Variants in SORCS3 observed in about 807,000 individuals in gnomAD.
SORCS3 encodes the protein sortilin related VPS10 domain containing receptor 3, also known as VPS10 domain-containing receptor SorCS3.
A neutral mutation model predicts 146.3 loss-of-function variants in SORCS3; 57 were observed. That is an observed-to-expected ratio of 0.39 (90% confidence interval 0.31 to 0.49). The LOEUF is 0.49. SORCS3 is among the 20% of genes least tolerant of loss of function. SORCS3 has a pLI of 0.92. For synonymous variants in SORCS3, 653 were observed against 618.5 expected, an observed-to-expected ratio of 1.06 and a Z score of -0.83; for missense variants, 1,341 against 1,575.5, an observed-to-expected ratio of 0.85 and a Z score of 2.52.
rs369812512 is a variant in SORCS3, at chr10:104,737,721, G to A, written c.627+95767G>A. Among the ~76,000 whole-genome samples, 350 of 151,862 alleles carry A rather than the reference G, an allele frequency of 2.3e-3. 1 individual carries two copies. Among genetic ancestry groups the A allele is most frequent in the African/African-American group, 6.8e-3 (281 of 41,390 alleles). ...TTGCGAAAATTTTCTCCCATTTTGTGGGTTGCCTGTTCACTCTGATGGTAG... is the reference window on the plus strand; with the variant it reads ...TTGCGAAAATTTTCTCCCATTTTGTAGGTTGCCTGTTCACTCTGATGGTAG... On this transcript the variant is annotated intron_variant, in intron 1 of 26. Transcript: ENST00000369701.
chr10:104,641,431 T>C lies in SORCS3; in HGVS notation c.104T>C (p.Ile35Thr), dbSNP rs2015413155. 2 of 1,469,560 alleles carry C rather than the reference T, an allele frequency of 1.4e-6. No homozygotes were observed. The highest frequency in any genetic ancestry group is 1.8e-6 in the Non-Finnish European group (2 of 1,117,546). 91.0% of individuals were successfully genotyped at this position (1,469,560 alleles called of 1,614,324 possible). A position where few individuals can be genotyped will look rare whatever the true frequency, so the allele number is the denominator to read the frequency against. Residue 35 changes from isoleucine (I) to threonine (T), a missense_variant, in exon 1 of 27, where the codon ATC becomes ACC. Transcript: ENST00000369701. This position sits in a 1 kb window ranked among gnomAD's most constrained non-coding sequence, Gnocchi z 6.4. ...ACGTGGGTCCTGGCCGGCGCCGAGA[T>C]CACTTGGGACGCGACAGGCGGTCCC... ...LSTWVLAGAE[I>T]TWDATGGPGR...
At position 105,132,549 on chromosome 10, in the gene SORCS3, C is replaced by A. The variant is rs570832405; in HGVS notation, c.1213-6848C>A. The stretch of plus-strand genomic sequence containing the variant: ...GCCCTTTGGTTCTAATTTTTGGGGG[C>A]AGATTTCTGTCTTTCCTCCAGGGCA... On this transcript the variant is annotated intron_variant, in intron 7 of 26. Coordinates refer to ENST00000369701, the MANE Select transcript of SORCS3 (RefSeq NM_014978.3). Among the ~76,000 whole-genome samples the A allele has an allele frequency of 1.3e-4, 20 of 152,228 alleles. No homozygotes were observed. The South Asian group carries it at 1.7e-3, about 13-fold the overall frequency.
In SORCS3 at chr10:104,813,455, A is replaced by G. The variant is rs559240498; in HGVS notation, c.628-29337A>G. 2.0e-5 allele frequency among the ~76,000 whole-genome samples: 3 copies of G among 152,324 alleles called. No homozygotes were observed. In the South Asian group the frequency reaches 6.2e-4, roughly 32 times the overall value. The stretch of plus-strand genomic sequence containing the variant: ...GGCCTGTTTTATGTACTAATATACT[A>G]ATCTACATACTCAGTTCAGTGATGG... On this transcript the variant is annotated intron_variant, in intron 1 of 26. Coordinates refer to ENST00000369701, the MANE Select transcript of SORCS3 (RefSeq NM_014978.3).
chr10:105,167,958 G>A (rs955671492), intron 13 of SORCS3, among the ~76,000 whole-genome samples: 8 of 151,906 alleles, frequency 5.3e-5, no homozygotes, highest in African/African-American at 9.7e-5. Context: ...ATTATGGGAC[G>A]GACTAAAGAG....
intron 4 of SORCS3, among the ~76,000 whole-genome samples, chr10:105,032,863 C>T (rs1368611955): frequency 5.3e-5 from 8 of 152,060 alleles, no homozygotes; most frequent in Admixed American, 5.2e-4. Context: ...TGATGTGAAA[C>T]TAAAACCCTT....
In SORCS3 at chr10:104,858,484, A is replaced by G. The variant is rs573137968; in HGVS notation, c.695+15625A>G. Among the ~76,000 whole-genome samples the G allele has an allele frequency of 3.3e-3, 509 of 152,302 alleles. 2 individuals carry two copies. Among genetic ancestry groups the G allele is most frequent in the South Asian group, 0.018 (88 of 4,830 alleles). On this transcript the variant is annotated intron_variant, in intron 2 of 26. Transcript: ENST00000369701. ...ATTGTTTTACAGTTTTTCATTCCTTAAAAAATGTTCTGGTGCATATCTCGA... is the reference window on the plus strand; with the variant it reads ...ATTGTTTTACAGTTTTTCATTCCTTGAAAAATGTTCTGGTGCATATCTCGA...
chr10:105,191,189 C>T (rs2056514978), intron 14 of SORCS3, among the ~76,000 whole-genome samples: 1 of 152,140 alleles, frequency 6.6e-6, no homozygotes, highest in Admixed American at 6.5e-5. Context: ...GAATAAGACA[C>T]TTATGTACAT....
chr10:105,179,462 T>A (rs1427686851), intron 14 of SORCS3, among the ~76,000 whole-genome samples: 2 of 152,220 alleles, frequency 1.3e-5, no homozygotes, highest in African/African-American at 4.8e-5. Context: ...TGACAGAGCT[T>A]CTGTGCCTGT....
Position 104,876,552 on chromosome 10 carries a change from T to C in SORCS3, c.695+33693T>C, listed in dbSNP as rs543461661. ...TCAGGATGCTGTGAAAGAGAGAGCC[T>C]GGGTTGAAAGTTAGAAGCCTGGATA... On this transcript the variant is annotated intron_variant, in intron 2 of 26. Transcript: ENST00000369701. 6.6e-5 allele frequency among the ~76,000 whole-genome samples: 10 copies of C among 152,280 alleles called. No homozygotes were observed. In the East Asian group the frequency reaches 1.2e-3, roughly 18 times the overall value.
Position 104,806,722 on chromosome 10 carries a change from A to G in SORCS3, c.628-36070A>G, listed in dbSNP as rs141675176. Among the ~76,000 whole-genome samples the G allele has an allele frequency of 3.3e-3, 506 of 152,346 alleles. 3 individuals are homozygous for G. Among genetic ancestry groups the G allele is most frequent in the African/African-American group, 0.012 (483 of 41,588 alleles). On this transcript the variant is annotated intron_variant, in intron 1 of 26. Transcript: ENST00000369701. Reference sequence around the variant, plus strand: ...ACAAAAAAGTAGTTTAAAATGGTATATGTACTTGATCCTAACTCTGTACAA... The same window carrying G: ...ACAAAAAAGTAGTTTAAAATGGTATGTGTACTTGATCCTAACTCTGTACAA...
At chr10:104,753,423 T>G (rs973670660) in intron 1 of SORCS3, among the ~76,000 whole-genome samples, 2 of 152,166 alleles carry the variant, frequency 1.3e-5, no homozygotes. Context: ...GGAGAATGAA[T>G]ACACTAAAGA....
intron 5 of SORCS3, among the ~76,000 whole-genome samples, chr10:105,054,543 T>C (rs1173083908): frequency 6.6e-6 from 1 of 151,864 alleles, no homozygotes. Context: ...TCCATACCAA[T>C]GGATATTTTT....
At chr10:105,234,138 G>T (rs1359740041) in intron 20 of SORCS3, among the ~76,000 whole-genome samples, 1 of 152,138 alleles carries the variant, frequency 6.6e-6, no homozygotes, top group East Asian at 1.9e-4. Flanking sequence ...GGATAATTTT[G>T]CAGGGTACGG....
chr10:105,223,320 C>T, intron 20 of SORCS3, 71 bp downstream of exon 20: 3 of 1,432,984 alleles, frequency 2.1e-6, no homozygotes, highest in South Asian at 1.6e-5. Flanking sequence ...TTTTATGTGT[C>T]TATTAGGGGG....
intron 5 of SORCS3, among the ~76,000 whole-genome samples, chr10:105,065,817 C>T (rs2055519046): frequency 6.6e-6 from 1 of 152,160 alleles, no homozygotes; most frequent in South Asian, 2.1e-4. Flanking sequence ...ATCCAATAAA[C>T]TCAAATAACC....
chr10:104,993,427 AG>A (rs1564730575), intron 4 of SORCS3, among the ~76,000 whole-genome samples: 1 of 152,208 alleles, frequency 6.6e-6, no homozygotes, highest in Non-Finnish European at 1.5e-5. Context: ...TTTAAAATGG[AG>A]ACTTTAATTT....
intron 4 of SORCS3, among the ~76,000 whole-genome samples, chr10:105,008,443 G>T (rs1437599560): frequency 6.6e-6 from 1 of 152,134 alleles, no homozygotes; most frequent in Admixed American, 6.5e-5. Flanking sequence ...ACACCATTCT[G>T]GATGCATCTA....
Position 105,201,295 on chromosome 10 carries a change from T to C in SORCS3, c.2261+42T>C. ...TTCATTACCAATTCCAACCAGGTCTTCACCTGTCTGTGGGGTGGGGTGGGG... is the reference window on the plus strand; with the variant it reads ...TTCATTACCAATTCCAACCAGGTCTCCACCTGTCTGTGGGGTGGGGTGGGG... On this transcript the variant is annotated intron_variant, in intron 16 of 26. Coordinates refer to ENST00000369701, the MANE Select transcript of SORCS3 (RefSeq NM_014978.3). 1.9e-6 allele frequency: 3 copies of C among 1,584,568 alleles called. No homozygotes were observed. The South Asian group carries it at 3.5e-5, about 19-fold the overall frequency.
intron 2 of SORCS3, among the ~76,000 whole-genome samples, chr10:104,866,085 T>TGA (rs1051242306): frequency 6.6e-6 from 1 of 152,128 alleles, no homozygotes; most frequent in African/African-American, 2.4e-5. Flanking sequence ...GAAAAAGGTC[T>TGA]GAGAGAGAGA....
Sources: allele counts gnomAD v4.1 joint callset (sites outside exome capture counted in the v4.1 genomes callset), GRCh38; gene constraint gnomAD v4.1.1; non-coding constraint Gnocchi (gnomAD v3.1); transcripts MANE v1.5; gene names NCBI Gene and HGNC (gene_info 2026-07-23, HGNC 2026-07-21).